CCNYL1: variants seen among roughly 807,000 people sequenced by gnomAD.
The protein encoded by CCNYL1 is cyclin Y like 1.
Under a neutral mutation model 44.2 loss-of-function variants are expected in CCNYL1, and 16 were observed. The ratio of observed to expected loss-of-function variants is 0.36; its 90% confidence interval spans 0.25 to 0.55. The LOEUF (loss-of-function observed/expected upper bound fraction) is 0.55, where lower values mean the gene tolerates loss of function less well. Ranked by LOEUF, CCNYL1 falls within the 20% of genes least tolerant of loss-of-function variation. The pLI is 0.85. For missense variants in CCNYL1, 348 were observed against 451.8 expected (o/e 0.77, Z 2.08); for synonymous variants, 159 against 163.2 (o/e 0.97, Z 0.20).
At chr2:207,714,071 T>G (rs1208787665) in intron 1 of CCNYL1, among the ~76,000 whole-genome samples, 2 of 152,056 alleles carry the variant, frequency 1.3e-5, no homozygotes, top group Non-Finnish European at 2.9e-5. Context: ...AATGAAGAAA[T>G]AAAGAGTTAG....
chr2:207,725,222 G>A lies in CCNYL1; in HGVS notation c.295+348G>A, dbSNP rs374721458. 8.0e-5 allele frequency among the ~76,000 whole-genome samples: 12 copies of A among 149,096 alleles called. 1 individual carries two copies. The South Asian group carries it at 8.4e-4, about 10-fold the overall frequency. On this transcript the variant is annotated intron_variant, in intron 2 of 9. Coordinates refer to ENST00000295414, the MANE Select transcript of CCNYL1 (RefSeq NM_001330218.2). ...GCTCACTGCAGCCTCCATCTCCCACGTTCAAGCAATTCTCCTGCCTCAGCC... is the reference window on the plus strand; with the variant it reads ...GCTCACTGCAGCCTCCATCTCCCACATTCAAGCAATTCTCCTGCCTCAGCC...
intron 3 of CCNYL1, among the ~76,000 whole-genome samples, chr2:207,731,810 T>C (rs1032431834): frequency 9.1e-4 from 99 of 109,100 alleles, no homozygotes; most frequent in African/African-American, 4.1e-3. Flanking sequence ...TTTCTTCTTT[T>C]TTTTTTTTTT....
Position 207,728,564 on chromosome 2 carries a change from C to T in CCNYL1, c.330+1688C>T, listed in dbSNP as rs111794697. On this transcript the variant is annotated intron_variant, in intron 3 of 9. Coordinates refer to ENST00000295414, the MANE Select transcript of CCNYL1 (RefSeq NM_001330218.2). ...GTGTTGGGGTTACAGGTGTGAGCCA[C>T]TGCACCTAGCCAAAGCTTCCTATTT... Among the ~76,000 whole-genome samples, 150 of 152,322 alleles carry T rather than the reference C, an allele frequency of 9.8e-4. No individual in the cohort carries two copies. In the Middle Eastern group the frequency reaches 0.01, roughly 10 times the overall value.
At chr2:207,735,939 A>G (rs555240580) in intron 4 of CCNYL1, among the ~76,000 whole-genome samples, 2 of 152,332 alleles carry the variant, frequency 1.3e-5, no homozygotes, top group African/African-American at 2.4e-5. Context: ...CCCGATGCCA[A>G]TTAAATCAGA....
intron 2 of CCNYL1, among the ~76,000 whole-genome samples, chr2:207,725,690 A>G (rs1033780155): frequency 6.6e-6 from 1 of 152,256 alleles, no homozygotes; most frequent in African/African-American, 2.4e-5. Flanking sequence ...TAGTGTAAAT[A>G]TAAACATGCC....
chr2:207,746,825 A>T (rs1318159050), intron 7 of CCNYL1, among the ~76,000 whole-genome samples: 1 of 152,120 alleles, frequency 6.6e-6, no homozygotes, highest in Non-Finnish European at 1.5e-5. Flanking sequence ...AAAATACAAA[A>T]ATTAGCTGGG....
At chr2:207,712,265 C>T in intron 1 of CCNYL1, 149 bp downstream of exon 1, 2 of 612,774 alleles carry the variant, frequency 3.3e-6, no homozygotes, top group Non-Finnish European at 2.8e-6. Flanking sequence ...GCGTCCCCAC[C>T]CCTTATTCTT....
chr2:207,749,505 C>CA (rs1175566934), intron 8 of CCNYL1, among the ~76,000 whole-genome samples: 2 of 151,792 alleles, frequency 1.3e-5, no homozygotes, highest in Non-Finnish European at 2.9e-5. Flanking sequence ...TAAAAAAAAA[C>CA]AAAAAACCTA....
intron 2 of CCNYL1, among the ~76,000 whole-genome samples, chr2:207,725,253 A>C (rs765033706): frequency 6.6e-5 from 10 of 151,792 alleles, no homozygotes; most frequent in Non-Finnish European, 1.5e-4. Context: ...CAGCCTCCCA[A>C]GTAGCTAGGA....
intron 3 of CCNYL1, among the ~76,000 whole-genome samples, chr2:207,731,806 CTTTTTTTTTTT>C (rs58231431): frequency 1.2e-5 from 1 of 84,706 alleles, no homozygotes; most frequent in African/African-American, 3.9e-5. Context: ...GAGGTTTCTT[CTTTTTTTTTTT>C]TTTTTTTTTT....
chr2:207,726,769 C>A, intron 2 of CCNYL1, 73 bp from the exon 3 acceptor site: 2 of 942,862 alleles, frequency 2.1e-6, no homozygotes, highest in South Asian at 1.5e-5. Context: ...TATTGTTAAT[C>A]AGATGATTAG....
At chr2:207,715,386 T>TC (rs1463840439) in intron 1 of CCNYL1, among the ~76,000 whole-genome samples, 1 of 144,036 alleles carries the variant, frequency 6.9e-6, no homozygotes, top group Non-Finnish European at 1.5e-5. Context: ...TTTCTTTTTT[T>TC]TTTTTTTTTT....
At chr2:207,713,153 A>C (rs550714521) in intron 1 of CCNYL1, among the ~76,000 whole-genome samples, 33 of 152,330 alleles carry the variant, frequency 2.2e-4, no homozygotes, top group African/African-American at 7.0e-4. Context: ...AGTTCTGATT[A>C]CTTTAAAATT....
At position 207,755,806 on chromosome 2, in the gene CCNYL1, A is replaced by G. The variant is rs1359723594; in HGVS notation, c.*2108A>G. ...CGATAATGTCACCTAAATTTGAAATACTAAGAAGAGGTTAGTGTTCTCAAC... is the reference window on the plus strand; with the variant it reads ...CGATAATGTCACCTAAATTTGAAATGCTAAGAAGAGGTTAGTGTTCTCAAC... On this transcript the variant is annotated 3_prime_UTR_variant, in exon 10 of 10. Coordinates refer to ENST00000295414, the MANE Select transcript of CCNYL1 (RefSeq NM_001330218.2). 1 of 152,224 alleles carries G rather than the reference A, an allele frequency of 6.6e-6. No homozygotes were observed. 9.4% of individuals were successfully genotyped at this position (152,224 alleles called of 1,614,324 possible). A position where few individuals can be genotyped will look rare whatever the true frequency, so the allele number is the denominator to read the frequency against.
chr2:207,715,210 G>T (rs9789621), intron 1 of CCNYL1, among the ~76,000 whole-genome samples: 1 of 152,112 alleles, frequency 6.6e-6, no homozygotes, highest in African/African-American at 2.4e-5. Flanking sequence ...AGAGGTTGCA[G>T]TGAGCTGAGA....
At position 207,737,458 on chromosome 2, in the gene CCNYL1, TA is replaced by T. The variant is rs1239684391; in HGVS notation, c.467+16del. 1.2e-6 allele frequency: 2 copies of T among 1,606,198 alleles called. No homozygotes were observed. Among genetic ancestry groups the T allele is most frequent in the South Asian group, 1.1e-5 (1 of 90,610 alleles). ...CACATAAAGAACAGGTGAGCTCCTT[TA>T]AAACCTGTCTTGTTATTCCAGCTAA... On this transcript the variant is annotated intron_variant, in intron 5 of 9. Transcript: ENST00000295414.
At chr2:207,718,942 T>C (rs1377338769) in intron 1 of CCNYL1, among the ~76,000 whole-genome samples, 5 of 151,994 alleles carry the variant, frequency 3.3e-5, no homozygotes, top group Non-Finnish European at 7.4e-5. Flanking sequence ...AAATAAACTG[T>C]TATATCCACA....
chr2:207,745,420 AG>A (rs1209084200), intron 7 of CCNYL1, among the ~76,000 whole-genome samples: 38 of 152,330 alleles, frequency 2.5e-4, no homozygotes, highest in African/African-American at 8.7e-4. Flanking sequence ...TAAAGGCAAC[AG>A]GAAGTTGAGG....
intron 4 of CCNYL1, among the ~76,000 whole-genome samples, chr2:207,736,179 G>A (rs558556992): frequency 2.9e-4 from 44 of 152,332 alleles, no homozygotes; most frequent in Admixed American, 1.0e-3. Flanking sequence ...TTCAAATTCT[G>A]TAATGTTAAA....
Sources: allele counts gnomAD v4.1 joint callset (sites outside exome capture counted in the v4.1 genomes callset), GRCh38; gene constraint gnomAD v4.1.1; transcripts MANE v1.5; gene names NCBI Gene and HGNC (gene_info 2026-07-23, HGNC 2026-07-21).